Variants in TXLNB observed in about 807,000 individuals in gnomAD.
TXLNB encodes the protein taxilin beta, also known as beta-taxilin.
Under a neutral mutation model 57.4 loss-of-function variants are expected in TXLNB, and 37 were observed. That is an observed-to-expected ratio of 0.64 (90% CI 0.50 to 0.85). The LOEUF is 0.85. TXLNB is among the 40% of genes least tolerant of loss of function. The probability of loss-of-function intolerance (pLI) is 0.00; values close to 1 mark genes in which losing one functional copy is unlikely to be tolerated. For synonymous variants in TXLNB, 302 were observed against 309.6 expected (o/e 0.98, Z 0.26); for missense variants, 848 against 825.6 (o/e 1.03, Z -0.33).
At chr6:139,225,043 T>C in the TXLNB span, among the ~76,000 whole-genome samples, 1 of 152,124 alleles carries the variant, frequency 6.6e-6, no homozygotes, top group South Asian at 2.1e-4. Context: ...CATTTGAAAA[T>C]CAATCACTGT....
At chr6:139,161,843 CA>C in the TXLNB span, among the ~76,000 whole-genome samples, 7 of 152,306 alleles carry the variant, frequency 4.6e-5, no homozygotes, top group African/African-American at 1.7e-4. Context: ...AAGATAAAAA[CA>C]ACTACACTTA....
the TXLNB span, among the ~76,000 whole-genome samples, chr6:139,203,152 C>G: frequency 6.6e-6 from 1 of 152,156 alleles, no homozygotes; most frequent in Non-Finnish European, 1.5e-5. Flanking sequence ...GACAATATGT[C>G]TATTATGAAT....
chr6:139,174,677 C>A, the TXLNB span: 3 of 1,237,900 alleles, frequency 2.4e-6, no homozygotes, highest in African/African-American at 1.5e-5. Context: ...GTAATGTAGT[C>A]ATTTAGTGGA....
the TXLNB span, chr6:139,166,431 G>A: frequency 6.2e-7 from 1 of 1,614,226 alleles, no homozygotes; most frequent in Middle Eastern, 1.6e-4. Context: ...TGGGAGAGCA[G>A]CATCCTCGTC....
intron 6 of TXLNB, among the ~76,000 whole-genome samples, chr6:139,259,340 G>C (rs537422138): frequency 6.6e-6 from 1 of 152,260 alleles, no homozygotes; most frequent in East Asian, 1.9e-4. Context: ...GCCCTACAAA[G>C]CTACACAGTT....
intron 3 of TXLNB, among the ~76,000 whole-genome samples, chr6:139,270,910 C>A (rs1212036947): frequency 6.6e-6 from 1 of 152,076 alleles, no homozygotes; most frequent in Non-Finnish European, 1.5e-5. Context: ...GTCTATCTAA[C>A]CAATATTGAA....
Position 139,278,972 on chromosome 6 carries a change from C to T in TXLNB, c.425-2051G>A, listed in dbSNP as rs557028627. Among the ~76,000 whole-genome samples, 8 of 152,264 alleles carry T rather than the reference C, an allele frequency of 5.3e-5. No individual in the cohort carries two copies. The South Asian group carries it at 1.5e-3, about 28-fold the overall frequency. ...TGAGCTGAGATTGCACCACTGCACTCCACTGCAAAAAACAAACGAACAAAT... is the reference window on the plus strand; with the variant it reads ...TGAGCTGAGATTGCACCACTGCACTTCACTGCAAAAAACAAACGAACAAAT... On this transcript the variant is annotated intron_variant, in intron 2 of 9. Transcript: ENST00000358430.
chr6:139,167,027 AC>A, the TXLNB span: 1 of 1,613,738 alleles, frequency 6.2e-7, no homozygotes, highest in Non-Finnish European at 8.5e-7. Flanking sequence ...ACACTTCGAC[AC>A]CCCCGTGCAG....
At chr6:139,264,117 G>A (rs1694407674) in intron 4 of TXLNB, among the ~76,000 whole-genome samples, 1 of 151,984 alleles carries the variant, frequency 6.6e-6, no homozygotes, top group Non-Finnish European at 1.5e-5. Flanking sequence ...AACTTCTCAG[G>A]GGTATTGAAG....
At chr6:139,194,218 G>A in the TXLNB span, among the ~76,000 whole-genome samples, 1 of 152,180 alleles carries the variant, frequency 6.6e-6, no homozygotes, top group Non-Finnish European at 1.5e-5. Context: ...CGGGATTACA[G>A]GCGTGAGCCA....
rs1477113153 is a variant in TXLNB, at chr6:139,240,706, G to A, written c.*1820C>T. ...AAAAATATACAGATTCTCAAATAGC[G>A]ACAAGCTTTTTTCCTGATTTTTTTT... On this transcript the variant is annotated 3_prime_UTR_variant, in exon 10 of 10. Transcript: ENST00000358430. 2.0e-5 allele frequency: 3 copies of A among 152,574 alleles called. No individual in the cohort carries two copies. The highest frequency in any genetic ancestry group is 2.4e-5 in the African/African-American group (1 of 41,424). 9.5% of individuals were successfully genotyped at this position (152,574 alleles called of 1,614,324 possible). A position where few individuals can be genotyped will look rare whatever the true frequency, so the allele number is the denominator to read the frequency against.
At chr6:139,166,733 C>T in the TXLNB span, 10 of 1,612,890 alleles carry the variant, frequency 6.2e-6, no homozygotes, top group South Asian at 1.1e-5. Flanking sequence ...CGACCTCCCC[C>T]GCCGGCATTC....
the TXLNB span, among the ~76,000 whole-genome samples, chr6:139,226,962 A>G: frequency 0.7 from 105,907 of 152,112 alleles, 37,707 homozygotes; most frequent in East Asian, 0.82. Flanking sequence ...AGGAGGTGGA[A>G]GTTGCCATGA....
At chr6:139,184,791 G>T in the TXLNB span, among the ~76,000 whole-genome samples, 1 of 152,158 alleles carries the variant, frequency 6.6e-6, no homozygotes, top group South Asian at 2.1e-4. Flanking sequence ...CTTGTTAGAA[G>T]CTCTGGTATC....
the TXLNB span, among the ~76,000 whole-genome samples, chr6:139,173,057 G>A: frequency 3.9e-5 from 6 of 152,228 alleles, no homozygotes; most frequent in Admixed American, 3.3e-4. Flanking sequence ...AGGACAGAGA[G>A]TGCAAATGAA....
chr6:139,289,345 A>G (rs1428884686), intron 1 of TXLNB, among the ~76,000 whole-genome samples: 5 of 152,144 alleles, frequency 3.3e-5, no homozygotes, highest in Admixed American at 2.6e-4. Context: ...TGCTTGCTCA[A>G]TCAATCACAA....
chr6:139,258,858 C>A (rs1323773618), intron 6 of TXLNB, among the ~76,000 whole-genome samples: 4 of 152,206 alleles, frequency 2.6e-5, no homozygotes, highest in African/African-American at 4.8e-5. Context: ...GCTCAGTCAG[C>A]AGTGTGCAAC....
intron 7 of TXLNB, among the ~76,000 whole-genome samples, chr6:139,249,598 G>A (rs1776145869): frequency 6.6e-6 from 1 of 152,132 alleles, no homozygotes; most frequent in South Asian, 2.1e-4. Flanking sequence ...TGGCAGATTG[G>A]AGAGTTTCCA....
intron 5 of TXLNB, among the ~76,000 whole-genome samples, chr6:139,260,803 T>C (rs994011655): frequency 1.3e-5 from 2 of 152,190 alleles, no homozygotes; most frequent in Admixed American, 1.3e-4. Context: ...GGGGCTACAG[T>C]TGTATCATTT....
Sources: gnomAD v4.1 joint callset for allele counts (sites outside exome capture counted in the v4.1 genomes callset) on GRCh38, gnomAD v4.1.1 for gene constraint, MANE v1.5 for transcripts, NCBI Gene and HGNC (gene_info 2026-07-23, HGNC 2026-07-21) for gene names.